KIF27: variants seen among roughly 807,000 people sequenced by gnomAD.
The protein encoded by KIF27 is kinesin-like protein KIF27.
Under a neutral mutation model 141.8 loss-of-function variants are expected in KIF27, and 84 were observed. The observed-to-expected ratio is 0.59, with a 90% CI of 0.50 to 0.71. The LOEUF is 0.71. KIF27 is among the 30% of genes least tolerant of loss of function. The pLI, the probability that KIF27 is intolerant of heterozygous loss-of-function variation, is 0.00. For synonymous variants in KIF27, 471 were observed against 569.5 expected (o/e 0.83, Z 2.46); for missense variants, 1,306 against 1,628.4 (o/e 0.80, Z 3.41).
chr9:83,906,111 A>G (rs1399771973), intron 3 of KIF27, among the ~76,000 whole-genome samples: 1 of 152,266 alleles, frequency 6.6e-6, no homozygotes, highest in East Asian at 1.9e-4. Context: ...ATAAAAGATG[A>G]AAACATTCAA....
Position 83,835,362 on chromosome 9 carries a change from T to C in KIF27, c.*1639A>G, listed in dbSNP as rs1347900414. On this transcript the variant is annotated 3_prime_UTR_variant, in exon 18 of 18. Coordinates refer to ENST00000297814, the MANE Select transcript of KIF27 (RefSeq NM_017576.4). ...AACAGTTCCTGGTAAAAATAAAATT[T>C]CCCAGTTAAGTTTGTAAATTAGTTT... Among the ~76,000 whole-genome samples the C allele has an allele frequency of 6.6e-6, 1 of 151,896 alleles. No individual in the cohort carries two copies. Among genetic ancestry groups the C allele is most frequent in the East Asian group, 1.9e-4 (1 of 5,200 alleles).
intron 6 of KIF27, among the ~76,000 whole-genome samples, chr9:83,889,844 C>T (rs2780180): frequency 3.9e-5 from 6 of 152,176 alleles, no homozygotes; most frequent in Non-Finnish European, 7.3e-5. Flanking sequence ...CAAATAAAAT[C>T]GTATGGCTAG....
In KIF27 at chr9:83,859,318, T is replaced by C; in HGVS notation, c.2988A>G (p.Gln996=). The part of the protein sequence containing the change: ...KISTRLNLLE[Q]ELSEKNVQLQ... ...GCTGCACATTCTTTTCAGACAACTC[T>C]TGTTCCAGTAAGTTCAGGCGAGTTG... Residue 996 remains glutamine, a synonymous_variant, in exon 14 of 18, where the codon CAA becomes CAG. Coordinates refer to ENST00000297814, the MANE Select transcript of KIF27 (RefSeq NM_017576.4). The C allele has an allele frequency of 6.2e-7, 1 of 1,614,154 alleles. No homozygotes were observed. Among genetic ancestry groups the C allele is most frequent in the African/African-American group, 1.3e-5 (1 of 75,068 alleles).
rs200694940 is a variant in KIF27 at position 83,870,141 on chromosome 9, C to CTCTATCTATCTATCTATCTA, written c.2757+358_2757+377dup. Among the ~76,000 whole-genome samples, 15 of 151,620 alleles carry CTCTATCTATCTATCTATCTA rather than the reference C, an allele frequency of 9.9e-5. 1 individual carries two copies. Among genetic ancestry groups the CTCTATCTATCTATCTATCTA allele is most frequent in the African/African-American group, 2.9e-4 (12 of 41,394 alleles). On this transcript the variant is annotated intron_variant, in intron 12 of 17. Transcript: ENST00000297814. The stretch of plus-strand genomic sequence containing the variant: ...CACCAGTTTTTACATCTATCTATCT[C>CTCTATCTATCTATCTATCTA]TCTATCTATCTATCTATCTATCTAT...
At chr9:83,865,936 G>A (rs2131977184) in intron 13 of KIF27, among the ~76,000 whole-genome samples, 1 of 152,148 alleles carries the variant, frequency 6.6e-6, no homozygotes, top group South Asian at 2.1e-4. Flanking sequence ...CAGAAAATAT[G>A]CCAATCTCCG....
chr9:83,875,845 TAAG>T (rs750327800), intron 11 of KIF27, among the ~76,000 whole-genome samples: 2 of 151,800 alleles, frequency 1.3e-5, no homozygotes, highest in East Asian at 3.9e-4. Context: ...CTGGAGAGGA[TAAG>T]AGAATGAATG....
rs1954821796 is a variant in KIF27 at position 83,908,641 on chromosome 9, C to G, written c.310G>C (p.Glu104Gln). The G allele has an allele frequency of 6.3e-7, 1 of 1,587,612 alleles. No homozygotes were observed. Among genetic ancestry groups the G allele is most frequent in the Non-Finnish European group, 8.6e-7 (1 of 1,168,344 alleles). ...CGAGGAATGATACCCTTTTGGCCCTCCACAACTGAAGCTGAAAATTTAGAA... is the reference window on the plus strand; with the variant it reads ...CGAGGAATGATACCCTTTTGGCCCTGCACAACTGAAGCTGAAAATTTAGAA... Reference protein sequence around the residue: ...IGGGHIASVVEGQKGIIPRAI... With the variant: ...IGGGHIASVVQGQKGIIPRAI... The change falls in exon 3 of 18, where the codon GAG (glutamate) becomes CAG (glutamine). Residue 104 changes from glutamate to glutamine, a missense_variant. By Grantham distance (29) the Glu-to-Gln change is conservative. Coordinates refer to ENST00000297814, the MANE Select transcript of KIF27 (RefSeq NM_017576.4).
chr9:83,835,687 G>A lies in KIF27; in HGVS notation c.*1314C>T, dbSNP rs1945748990. The stretch of plus-strand genomic sequence containing the variant: ...GATGATCAAATCCACAGCAACAGAG[G>A]AAAGGACAAAAGGAAAAGGTCTGTA... On this transcript the variant is annotated 3_prime_UTR_variant, in exon 18 of 18. Coordinates refer to ENST00000297814, the MANE Select transcript of KIF27 (RefSeq NM_017576.4). 6.6e-6 allele frequency: 1 copy of A among 151,996 alleles called. No homozygotes were observed. The highest frequency in any genetic ancestry group is 2.4e-5 in the African/African-American group (1 of 41,372). 9.4% of individuals were successfully genotyped at this position (151,996 alleles called of 1,614,324 possible). A position where few individuals can be genotyped will look rare whatever the true frequency, so the allele number is the denominator to read the frequency against.
intron 11 of KIF27, among the ~76,000 whole-genome samples, chr9:83,871,823 G>GTAT (rs1950819866): frequency 6.6e-6 from 1 of 151,710 alleles, no homozygotes; most frequent in Non-Finnish European, 1.5e-5. Context: ...TGAGTAGCTG[G>GTAT]TATTATAGGC....
At chr9:83,899,244 G>T (rs1953594447) in intron 5 of KIF27, among the ~76,000 whole-genome samples, 2 of 152,144 alleles carry the variant, frequency 1.3e-5, no homozygotes, top group Admixed American at 1.3e-4. Context: ...TAGAAAATTT[G>T]AAAGATGTAA....
chr9:83,860,407 T>C (rs985938945), intron 13 of KIF27, among the ~76,000 whole-genome samples: 7 of 152,302 alleles, frequency 4.6e-5, no homozygotes, highest in Non-Finnish European at 7.3e-5. Context: ...TTATGGGAGA[T>C]AAGGATTTAG....
At chr9:83,852,789 C>T (rs1013852422) in intron 15 of KIF27, among the ~76,000 whole-genome samples, 7 of 152,044 alleles carry the variant, frequency 4.6e-5, no homozygotes, top group Non-Finnish European at 1.0e-4. Context: ...CTACCATACC[C>T]GGCTAATTTT....
intron 14 of KIF27, among the ~76,000 whole-genome samples, chr9:83,854,760 A>G (rs1352706729): frequency 1.1e-4 from 17 of 152,172 alleles, no homozygotes; most frequent in Non-Finnish European, 1.9e-4. Context: ...TCTGTGGTAA[A>G]GAATTACTTC....
intron 5 of KIF27, among the ~76,000 whole-genome samples, chr9:83,897,639 T>C (rs1953409696): frequency 6.6e-6 from 1 of 151,976 alleles, no homozygotes; most frequent in Non-Finnish European, 1.5e-5. Flanking sequence ...ATAAGAACTC[T>C]TCATCAAAGA....
chr9:83,843,702 C>A (rs751936216), intron 16 of KIF27, among the ~76,000 whole-genome samples: 1 of 151,992 alleles, frequency 6.6e-6, no homozygotes, highest in South Asian at 2.1e-4. Flanking sequence ...TCAGTTATAA[C>A]TTTGTTTTTA....
At chr9:83,905,314 T>A (rs1161007510) in intron 3 of KIF27, among the ~76,000 whole-genome samples, 1 of 152,040 alleles carries the variant, frequency 6.6e-6, no homozygotes, top group Non-Finnish European at 1.5e-5. Flanking sequence ...CAGACGGGGT[T>A]TCACTGTGTT....
intron 4 of KIF27, 67 bp from the exon 5 acceptor site, chr9:83,899,871 C>T: frequency 2.2e-6 from 3 of 1,365,662 alleles, no homozygotes; most frequent in Non-Finnish European, 1.0e-6. Flanking sequence ...CATATGATAA[C>T]ACAAAAATGG....
At chr9:83,873,267 CA>C (rs751012197) in intron 11 of KIF27, among the ~76,000 whole-genome samples, 1 of 152,162 alleles carries the variant, frequency 6.6e-6, no homozygotes, top group South Asian at 2.1e-4. Context: ...CAGCTGGTCA[CA>C]ATCCTCAACT....
intron 16 of KIF27, among the ~76,000 whole-genome samples, chr9:83,842,628 G>T (rs996284430): frequency 5.9e-5 from 9 of 152,066 alleles, no homozygotes; most frequent in Non-Finnish European, 1.3e-4. Flanking sequence ...ACCACGCCCG[G>T]CTAATTTTTT....
Sources: gnomAD v4.1 joint callset for allele counts (sites outside exome capture counted in the v4.1 genomes callset) on GRCh38, gnomAD v4.1.1 for gene constraint, MANE v1.5 for transcripts, NCBI Gene and HGNC (gene_info 2026-07-23, HGNC 2026-07-21) for gene names.